POLA1: variants seen among roughly 807,000 people sequenced by gnomAD.
POLA1 encodes the protein DNA polymerase alpha catalytic subunit.
POLA1 carries 15 observed loss-of-function variants against 124.0 expected under a neutral mutation model. That is an observed-to-expected ratio of 0.12 (90% CI 0.08 to 0.19). The LOEUF (loss-of-function observed/expected upper bound fraction) is 0.19. Among genes scored for constraint, POLA1 ranks in the 10% least tolerant of loss-of-function variants. The probability of loss-of-function intolerance (pLI) is 1.00; values close to 1 mark genes in which losing one functional copy is unlikely to be tolerated. For missense variants in POLA1, 886 were observed against 1,103.4 expected, an observed-to-expected ratio of 0.80 and a Z score of 2.79; for synonymous variants, 408 against 389.4, an observed-to-expected ratio of 1.05 and a Z score of -0.56.
Position 24,726,931 on chromosome X carries a change from A to C in POLA1, c.1393-2A>C. On this transcript the variant is annotated splice_acceptor_variant, in intron 13 of 36. Transcript: ENST00000379068. LOFTEE classifies it high-confidence loss of function. ...AGATTCTTTTTTTTTTTCCTTTTTC[A>C]GGCTGAAATGCCACAGCTTCCTCAA... 8.6e-7 allele frequency: 1 copy of C among 1,162,758 alleles called. No individual in the cohort carries two copies. The highest frequency in any genetic ancestry group is 1.1e-6 in the Non-Finnish European group (1 of 872,909).
chrX:24,834,723 G>A (rs778994419), intron 32 of POLA1, among the ~76,000 whole-genome samples: 2 of 111,835 alleles, frequency 1.8e-5, no homozygotes, highest in South Asian at 7.5e-4. Context: ...GTTGCAGTGA[G>A]CCGAGATTGC....
intron 32 of POLA1, among the ~76,000 whole-genome samples, chrX:24,841,326 G>C (rs751184429): frequency 1.8e-5 from 2 of 111,998 alleles, no homozygotes; most frequent in Admixed American, 1.9e-4. Context: ...TTTTAATTGT[G>C]ACTTTGATTT....
Position 24,995,848 on chromosome X carries a change from C to G in POLA1, c.4305C>G (p.Asp1435Glu), listed in dbSNP as rs1376708865. The part of the protein sequence containing the change: ...KQFFTPKVLQ[D>E]YRKLKNTAEQ... ...TTTTTACCCCCAAAGTTCTGCAGGA[C>G]TACAGAAAACTCAAGAACACAGCAG... Residue 1435 changes from aspartate (D) to glutamate (E), a missense_variant, in exon 37 of 37, where the codon GAC (aspartate) becomes GAG (glutamate). Coordinates refer to ENST00000379068, the MANE Select transcript of POLA1 (RefSeq NM_001330360.2). The G allele has an allele frequency of 8.3e-7, 1 of 1,207,109 alleles. No individual in the cohort carries two copies. Among genetic ancestry groups the G allele is most frequent in the African/African-American group, 1.7e-5 (1 of 57,693 alleles).
At chrX:24,740,611 A>G (rs182107575) in intron 20 of POLA1, among the ~76,000 whole-genome samples, 45 of 111,675 alleles carry the variant, frequency 4.0e-4, no homozygotes, top group Admixed American at 3.5e-3. Flanking sequence ...ATGTGTCTCT[A>G]TGTCGTTAAC....
At chrX:24,744,578 T>C in intron 23 of POLA1, 1 of 341,969 alleles carries the variant, frequency 2.9e-6, no homozygotes, top group East Asian at 9.0e-5. Flanking sequence ...TTTATATATA[T>C]GTGTCTCTTG....
intron 32 of POLA1, among the ~76,000 whole-genome samples, chrX:24,829,315 T>A (rs1231557758): frequency 9.0e-6 from 1 of 111,681 alleles, no homozygotes; most frequent in East Asian, 2.8e-4. Flanking sequence ...GGCTACTTTT[T>A]CTCATTTTTT....
At position 24,891,344 on chromosome X, in the gene POLA1, G is replaced by C. The variant is rs146402027; in HGVS notation, c.4164+3222G>C. ...GACCCTATGGAGTTACTCAGTTTCA[G>C]AGCAGGCTGGTTGGTGATACTTTCC... On this transcript the variant is annotated intron_variant, in intron 35 of 36. Transcript: ENST00000379068. 3.6e-5 allele frequency among the ~76,000 whole-genome samples: 4 copies of C among 111,496 alleles called. No homozygotes were observed. In the East Asian group the frequency reaches 1.1e-3, roughly 32 times the overall value.
rs771987802 is a variant in POLA1 at position 24,710,071 on chromosome X, C to T, written c.347-4483C>T. Among the ~76,000 whole-genome samples, 188 of 105,565 alleles carry T rather than the reference C, an allele frequency of 1.8e-3. 3 individuals are homozygous for T. Among genetic ancestry groups the T allele is most frequent in the African/African-American group, 6.3e-3 (184 of 29,130 alleles). 91.7% of individuals were successfully genotyped at this position (105,565 alleles called of 115,157 possible). ...CCTTGCCCTCGGGCCCCGTGGGGCC[C>T]GTCCGCTCCTCCAGCCGCTGCCTCC... On this transcript the variant is annotated intron_variant, in intron 4 of 36. Coordinates refer to ENST00000379068, the MANE Select transcript of POLA1 (RefSeq NM_001330360.2).
At chrX:24,786,363 T>C (rs983825846) in intron 26 of POLA1, among the ~76,000 whole-genome samples, 4 of 112,036 alleles carry the variant, frequency 3.6e-5, no homozygotes, top group Non-Finnish European at 7.5e-5. Context: ...AGATGTGAGG[T>C]GATATGTCAT....
rs11573507 is a variant in POLA1 at position 24,965,160 on chromosome X, G to A, written c.4262-30645G>A. Reference sequence around the variant, plus strand: ...GACTGGATGTCAAACTTTGGTATCCGTTGTACACTGTGTGCAGAATCAGTA... The same window carrying A: ...GACTGGATGTCAAACTTTGGTATCCATTGTACACTGTGTGCAGAATCAGTA... On this transcript the variant is annotated intron_variant, in intron 36 of 36. Coordinates refer to ENST00000379068, the MANE Select transcript of POLA1 (RefSeq NM_001330360.2). Among the ~76,000 whole-genome samples, 679 of 111,989 alleles carry A rather than the reference G, an allele frequency of 6.1e-3. 1 individual carries two copies. The highest frequency in any genetic ancestry group is 0.021 in the African/African-American group (634 of 30,853).
intron 15 of POLA1, among the ~76,000 whole-genome samples, chrX:24,729,216 T>C (rs1187410793): frequency 8.9e-6 from 1 of 112,064 alleles, no homozygotes; most frequent in African/African-American, 3.2e-5. Flanking sequence ...ATAATGCTTT[T>C]GTGGGGTACT....
intron 26 of POLA1, among the ~76,000 whole-genome samples, chrX:24,773,193 A>G (rs947191878): frequency 3.6e-5 from 4 of 112,366 alleles, no homozygotes; most frequent in Non-Finnish European, 7.5e-5. Flanking sequence ...TTGTTGTCCA[A>G]TCAAACAATG....
chrX:24,767,181 G>A (rs1462924575), intron 26 of POLA1, among the ~76,000 whole-genome samples: 1 of 112,311 alleles, frequency 8.9e-6, no homozygotes, highest in Non-Finnish European at 1.9e-5. Flanking sequence ...CTAGTAGCCT[G>A]TGTAAGCCAT....
At chrX:24,753,699 AT>A (rs1181427374) in intron 26 of POLA1, among the ~76,000 whole-genome samples, 1 of 111,960 alleles carries the variant, frequency 8.9e-6, no homozygotes, top group Non-Finnish European at 1.9e-5. Context: ...AAGTATACTC[AT>A]TGCATAACTT....
intron 13 of POLA1, among the ~76,000 whole-genome samples, chrX:24,726,283 A>G (rs896724859): frequency 8.9e-6 from 1 of 112,295 alleles, no homozygotes; most frequent in Non-Finnish European, 1.9e-5. Context: ...CTTTAAATAA[A>G]TAAGTTGAAA....
At chrX:24,735,534 A>G (rs1433919992) in intron 18 of POLA1, 46 bp downstream of exon 18, 2 of 728,229 alleles carry the variant, frequency 2.7e-6, no homozygotes, top group East Asian at 6.4e-5. Context: ...TTCATTTCTT[A>G]GTTCTTTTCA....
At chrX:24,872,418 T>C (rs1307783319) in intron 34 of POLA1, among the ~76,000 whole-genome samples, 1 of 111,802 alleles carries the variant, frequency 8.9e-6, no homozygotes, top group Non-Finnish European at 1.9e-5. Flanking sequence ...GAACTCTGAA[T>C]GGCTTAAAAG....
At chrX:24,923,657 G>GTTACTTT (rs1387991247) in intron 35 of POLA1, among the ~76,000 whole-genome samples, 13 of 112,106 alleles carry the variant, frequency 1.2e-4, no homozygotes, top group Admixed American at 4.8e-4. Flanking sequence ...TCTTGGAAAA[G>GTTACTTT]TAACCCTCAC....
intron 36 of POLA1, among the ~76,000 whole-genome samples, chrX:24,983,982 A>G (rs942733866): frequency 8.9e-6 from 1 of 112,271 alleles, no homozygotes; most frequent in Admixed American, 9.4e-5. Context: ...AGGCTGCTTA[A>G]CAAGGCCAGA....
Sources: allele counts gnomAD v4.1 joint callset (sites outside exome capture counted in the v4.1 genomes callset), GRCh38; gene constraint gnomAD v4.1.1; transcripts MANE v1.5; gene names NCBI Gene and HGNC (gene_info 2026-07-23, HGNC 2026-07-21).